TRPC4AP: variants seen among roughly 807,000 people sequenced by gnomAD.
TRPC4AP encodes the protein transient receptor potential cation channel subfamily C member 4 associated protein.
A neutral mutation model predicts 99.0 loss-of-function variants in TRPC4AP; 45 were observed. That is an observed-to-expected ratio of 0.45 (90% CI 0.36 to 0.58). The LOEUF (loss-of-function observed/expected upper bound fraction) is 0.58. Among genes scored for constraint, TRPC4AP ranks in the 20% least tolerant of loss-of-function variants. The probability of loss-of-function intolerance (pLI) is 0.00; values close to 1 mark genes in which losing one functional copy is unlikely to be tolerated. For synonymous variants in TRPC4AP, 408 were observed against 385.8 expected, an observed-to-expected ratio of 1.06 and a Z score of -0.67; for missense variants, 879 against 985.3, an observed-to-expected ratio of 0.89 and a Z score of 1.44.
rs937966909 is a variant in TRPC4AP, at chr20:35,003,530, C to T, written c.2136G>A (p.Leu712=). 5 of 1,613,724 alleles carry T rather than the reference C, an allele frequency of 3.1e-6. No homozygotes were observed. Among genetic ancestry groups the T allele is most frequent in the African/African-American group, 2.7e-5 (2 of 74,914 alleles). The change falls in exon 18 of 19, where the codon CTG becomes CTA. Residue 712 remains leucine (L), a synonymous_variant. Coordinates refer to ENST00000252015, the MANE Select transcript of TRPC4AP (RefSeq NM_015638.3). ...ACTTCTTGCTGTGCTCCATCCGCTG[C>T]AGCAGCCGCAGGTACAGGGGCAGCC... The part of the protein sequence containing the change: ...KERLPLYLRL[L]QRMEHSKKYP...
Position 35,005,706 on chromosome 20 carries a change from A to G in TRPC4AP, c.1925T>C (p.Val642Ala). 2 of 1,613,910 alleles carry G rather than the reference A, an allele frequency of 1.2e-6. No homozygotes were observed. The highest frequency in any genetic ancestry group is 8.5e-7 in the Non-Finnish European group (1 of 1,179,894). The change falls in exon 16 of 19, where the codon GTG becomes GCG. Residue 642 changes from valine to alanine, a missense_variant. This residue lies in a region of TRPC4AP where 224 missense variants were observed against 264.7 expected (regional missense o/e 0.85). Transcript: ENST00000252015. ...TGCCTTTCATGTACCTTTCATATCC[A>G]CCTGGTTTTCAAATCGGTCCAGGGA... ...TLSLDRFENQ[V>A]DMKVAEVLSE...
Position 35,016,002 on chromosome 20 carries a change from GCTTA to G in TRPC4AP, c.1350+2_1350+5del. 6.2e-7 allele frequency: 1 copy of G among 1,614,126 alleles called. No individual in the cohort carries two copies. Among genetic ancestry groups the G allele is most frequent in the Non-Finnish European group, 8.5e-7 (1 of 1,179,990 alleles). ...CCCCATCTGTCCCCGGGGGTCTCCT[GCTTA>G]CCGGGCTACAGTCACAGTTCTGGTT... On this transcript the variant is annotated splice_donor_variant and splice_donor_5th_base_variant and intron_variant, in intron 10 of 18. Coordinates refer to ENST00000252015, the MANE Select transcript of TRPC4AP (RefSeq NM_015638.3). LOFTEE classifies it high-confidence loss of function.
chr20:35,002,833 A>C lies in TRPC4AP; in HGVS notation c.*313T>G, dbSNP rs2082421307. 7.6e-6 allele frequency: 2 copies of C among 263,136 alleles called. No individual in the cohort carries two copies. Among genetic ancestry groups the C allele is most frequent in the African/African-American group, 2.2e-5 (1 of 44,922 alleles). 16.3% of individuals were successfully genotyped at this position (263,136 alleles called of 1,614,324 possible). On this transcript the variant is annotated 3_prime_UTR_variant, in exon 19 of 19. Coordinates refer to ENST00000252015, the MANE Select transcript of TRPC4AP (RefSeq NM_015638.3). ...CTCTGGGACTGACTGACAGCCAAGA[A>C]ACCGGCAGGAGCTCACACAGAGCTA...
intron 7 of TRPC4AP, among the ~76,000 whole-genome samples, chr20:35,037,721 A>T (rs967425269): frequency 1.3e-5 from 2 of 152,238 alleles, no homozygotes; most frequent in African/African-American, 4.8e-5. Flanking sequence ...GTTGCGGTCA[A>T]CAACGACCAC....
At chr20:35,061,573 T>A (rs7263253) in intron 3 of TRPC4AP, among the ~76,000 whole-genome samples, 3 of 152,110 alleles carry the variant, frequency 2.0e-5, no homozygotes, top group Admixed American at 2.0e-4. Flanking sequence ...CTATGATCAG[T>A]TGATTTTTGA....
intron 1 of TRPC4AP, among the ~76,000 whole-genome samples, chr20:35,080,013 TAAAAAAAA>T (rs71196785): frequency 1.1e-5 from 1 of 93,870 alleles, no homozygotes; most frequent in Admixed American, 1.3e-4. Context: ...CAGAGCAAGA[TAAAAAAAA>T]AAAAAAAAAA....
intron 7 of TRPC4AP, among the ~76,000 whole-genome samples, chr20:35,037,839 T>G (rs941427705): frequency 1.3e-5 from 2 of 152,124 alleles, no homozygotes; most frequent in Non-Finnish European, 2.9e-5. Flanking sequence ...GCCTACTGTA[T>G]TTAGTACAGA....
chr20:35,014,236 CCCCCT>C (rs2082699922), intron 10 of TRPC4AP, among the ~76,000 whole-genome samples: 1 of 152,220 alleles, frequency 6.6e-6, no homozygotes, highest in African/African-American at 2.4e-5. Flanking sequence ...CAGTGGGCAG[CCCCCT>C]CCCTGCCTGG....
rs144262010 is a variant in TRPC4AP at position 35,044,663 on chromosome 20, T to C, written c.707A>G (p.Asn236Ser). The C allele has an allele frequency of 4.0e-5, 64 of 1,614,036 alleles. No homozygotes were observed. The African/African-American group carries it at 8.0e-4, about 20-fold the overall frequency. Residue 236 changes from asparagine to serine, a missense_variant, in exon 7 of 19, where the codon AAT (asparagine) becomes AGT (serine). Physicochemically the swap from Asn to Ser is conservative, Grantham distance 46. Around this residue, in one of 3 missense-constraint regions of TRPC4AP, gnomAD observed 603 missense variants for 631.8 expected, o/e 0.95. Transcript: ENST00000252015. The stretch of plus-strand genomic sequence containing the variant: ...ATTAGCGAGCTGCTGCTGATCGAAA[T>C]TGGATACTAAGGAACTCAGATTGGG... ...EVPNLSSLVS[N>S]FDQQQLANFC...
At chr20:35,019,280 T>C (rs548647777) in intron 9 of TRPC4AP, among the ~76,000 whole-genome samples, 27 of 152,288 alleles carry the variant, frequency 1.8e-4, no homozygotes, top group African/African-American at 6.5e-4. Context: ...AACAGTGGTT[T>C]TGGGGGGCCA....
chr20:35,076,944 T>C lies in TRPC4AP; in HGVS notation c.297+1102A>G, dbSNP rs574498195. 2.6e-5 allele frequency among the ~76,000 whole-genome samples: 4 copies of C among 152,262 alleles called. No individual in the cohort carries two copies. The East Asian group carries it at 7.7e-4, about 29-fold the overall frequency. On this transcript the variant is annotated intron_variant, in intron 2 of 18. Transcript: ENST00000252015. ...GAGCTTCCCGGCCGCTTTGTTTACC[T>C]ACGCAAGTCTCAGCAGTTGTGGACA... is the stretch of plus-strand genomic sequence containing the variant.
At chr20:35,089,681 T>C (rs1185710084) in intron 1 of TRPC4AP, among the ~76,000 whole-genome samples, 1 of 152,002 alleles carries the variant, frequency 6.6e-6, no homozygotes, top group Non-Finnish European at 1.5e-5. Flanking sequence ...AAACCCCATC[T>C]CTACTAAAAA....
chr20:35,069,198 A>G (rs2084239365), intron 3 of TRPC4AP, 98 bp downstream of exon 3: 1 of 718,316 alleles, frequency 1.4e-6, no homozygotes, highest in African/African-American at 1.8e-5. Context: ...CTGAAATGTT[A>G]TAAATTCTGA....
At chr20:35,050,936 G>A (rs1335661721) in intron 5 of TRPC4AP, among the ~76,000 whole-genome samples, 1 of 151,932 alleles carries the variant, frequency 6.6e-6, no homozygotes. Flanking sequence ...GTGTGAGGCC[G>A]CAGTGAGCTA....
chr20:35,026,540 C>T (rs28871333), intron 8 of TRPC4AP, among the ~76,000 whole-genome samples: 4,822 of 152,148 alleles, frequency 0.032, 253 homozygotes, highest in African/African-American at 0.11. Context: ...TTTTGTTAAT[C>T]CAAGTCTCCT....
intron 7 of TRPC4AP, among the ~76,000 whole-genome samples, chr20:35,042,361 T>G (rs1161777729): frequency 1.3e-5 from 2 of 152,178 alleles, no homozygotes; most frequent in Non-Finnish European, 2.9e-5. Context: ...TAACTAAAAC[T>G]AGACAATAAC....
chr20:35,068,036 TA>T (rs578029511), intron 3 of TRPC4AP, among the ~76,000 whole-genome samples: 106 of 152,168 alleles, frequency 7.0e-4, no homozygotes, highest in African/African-American at 2.3e-3. Context: ...TAAAGCTGAT[TA>T]AAAAAAACTA....
chr20:35,078,148 C>T lies in TRPC4AP; in HGVS notation c.195G>A (p.Arg65=), dbSNP rs1165892886. 10 of 1,613,444 alleles carry T rather than the reference C, an allele frequency of 6.2e-6. No homozygotes were observed. Among genetic ancestry groups the T allele is most frequent in the Non-Finnish European group, 7.6e-6 (9 of 1,179,756 alleles). Residue 65 remains arginine (R), a synonymous_variant, in exon 2 of 19, where the codon AGG becomes AGA. Transcript: ENST00000252015. ...TTCCACTCCACTTGGATTGTTTGTC[C>T]CTCTCCGTCAAAAAAGTCTCAGTGA... The part of the protein sequence containing the change: ...VQFTETFLTE[R]DKQSKWSGIP...
intron 1 of TRPC4AP, among the ~76,000 whole-genome samples, chr20:35,087,380 A>C (rs1051804677): frequency 6.6e-6 from 1 of 151,998 alleles, no homozygotes; most frequent in African/African-American, 2.4e-5. Context: ...AAAAAATATA[A>C]AGTAAGGAAC....
Sources: allele counts gnomAD v4.1 joint callset (sites outside exome capture counted in the v4.1 genomes callset), GRCh38; gene constraint gnomAD v4.1.1; regional missense constraint gnomAD v4.1.1; transcripts MANE v1.5; gene names NCBI Gene and HGNC (gene_info 2026-07-23, HGNC 2026-07-21).